Variants in ZNF804B observed in about 807,000 individuals in gnomAD.
The protein encoded by ZNF804B is zinc finger protein 804B, also known as zinc finger 804B.
ZNF804B carries 80 observed loss-of-function variants against 101.4 expected under a neutral mutation model. The ratio of observed to expected loss-of-function variants is 0.79; its 90% CI spans 0.66 to 0.95. The LOEUF (loss-of-function observed/expected upper bound fraction) is 0.95. ZNF804B is among the 40% of genes least tolerant of loss of function. The pLI, the probability that ZNF804B is intolerant of heterozygous loss-of-function variation, is 0.00. For missense variants in ZNF804B, 1,673 were observed against 1,561.9 expected, an observed-to-expected ratio of 1.07 and a Z score of -1.20; for synonymous variants, 622 against 558.8, an observed-to-expected ratio of 1.11 and a Z score of -1.59.
intron 1 of ZNF804B, among the ~76,000 whole-genome samples, chr7:88,964,048 G>A (rs1793423924): frequency 2.0e-5 from 3 of 151,508 alleles, no homozygotes; most frequent in Admixed American, 1.3e-4. Context: ...TGGCAAGGAT[G>A]TGGAGAAATT....
chr7:89,305,145 A>G (rs948924266), intron 2 of ZNF804B, among the ~76,000 whole-genome samples: 1 of 152,010 alleles, frequency 6.6e-6, no homozygotes, highest in Non-Finnish European at 1.5e-5. Context: ...ATTAATACTA[A>G]TAGAGAACTT....
At chr7:88,832,975 T>C (rs1791155422) in intron 1 of ZNF804B, among the ~76,000 whole-genome samples, 1 of 151,984 alleles carries the variant, frequency 6.6e-6, no homozygotes, top group Admixed American at 6.6e-5. Context: ...GATTTGAAAA[T>C]ACATCAGTGT....
intron 1 of ZNF804B, among the ~76,000 whole-genome samples, chr7:89,072,356 T>C (rs1191536232): frequency 1.3e-5 from 2 of 152,162 alleles, no homozygotes; most frequent in Non-Finnish European, 2.9e-5. Flanking sequence ...ATGCCTTATT[T>C]TCCTCTTTTG....
intron 2 of ZNF804B, among the ~76,000 whole-genome samples, chr7:89,294,013 T>C (rs1005781725): frequency 6.6e-6 from 1 of 152,236 alleles, no homozygotes; most frequent in Non-Finnish European, 1.5e-5. Context: ...ATGGCAACTC[T>C]GTCATCATTT....
At chr7:89,169,352 T>C (rs985396993) in intron 1 of ZNF804B, among the ~76,000 whole-genome samples, 1 of 152,178 alleles carries the variant, frequency 6.6e-6, no homozygotes, top group Non-Finnish European at 1.5e-5. Context: ...TCCCAATCAT[T>C]GTCCCTCCAC....
At chr7:89,277,987 T>C (rs1480563325) in intron 2 of ZNF804B, among the ~76,000 whole-genome samples, 2 of 152,142 alleles carry the variant, frequency 1.3e-5, no homozygotes, top group Non-Finnish European at 2.9e-5. Flanking sequence ...GTGTTCTTAT[T>C]TCTCCACATC....
chr7:89,337,877 C>A lies in ZNF804B; in HGVS notation c.*845C>A, dbSNP rs566736874. ...TAAAATATTGTTTATTATTCTTCTACTCAAAAATTTTACTACGTTCAGCCA... is the reference window on the plus strand; with the variant it reads ...TAAAATATTGTTTATTATTCTTCTAATCAAAAATTTTACTACGTTCAGCCA... On this transcript the variant is annotated 3_prime_UTR_variant, in exon 4 of 4. Transcript: ENST00000333190. 4.2e-4 allele frequency among the ~76,000 whole-genome samples: 64 copies of A among 152,092 alleles called. No homozygotes were observed. The highest frequency in any genetic ancestry group is 3.4e-3 in the Middle Eastern group (1 of 292).
At chr7:89,217,336 A>T (rs569748812) in intron 1 of ZNF804B, among the ~76,000 whole-genome samples, 14 of 152,140 alleles carry the variant, frequency 9.2e-5, no homozygotes, top group Non-Finnish European at 1.9e-4. Flanking sequence ...TTGAATTCAA[A>T]TTCCTTCTCC....
At chr7:89,299,750 G>A (rs1043713963) in intron 2 of ZNF804B, among the ~76,000 whole-genome samples, 3 of 151,880 alleles carry the variant, frequency 2.0e-5, no homozygotes, top group African/African-American at 4.8e-5. Flanking sequence ...AGAGACTGAG[G>A]GTTAACTGCT....
intron 1 of ZNF804B, among the ~76,000 whole-genome samples, chr7:89,104,532 A>G (rs918351043): frequency 6.6e-5 from 10 of 151,890 alleles, no homozygotes; most frequent in African/African-American, 1.5e-4. Context: ...GTGAATAGAG[A>G]TGTTCATAGT....
intron 1 of ZNF804B, among the ~76,000 whole-genome samples, chr7:88,827,160 A>G (rs1053666743): frequency 2.6e-5 from 4 of 152,086 alleles, no homozygotes; most frequent in Non-Finnish European, 5.9e-5. Flanking sequence ...TATTTTAATT[A>G]TAGAACTTTT....
At chr7:89,230,803 G>A (rs549433243) in intron 2 of ZNF804B, among the ~76,000 whole-genome samples, 1 of 152,108 alleles carries the variant, frequency 6.6e-6, no homozygotes, top group African/African-American at 2.4e-5. Context: ...GTGTGTAGTG[G>A]TATCTCACTG....
intron 1 of ZNF804B, among the ~76,000 whole-genome samples, chr7:88,872,447 CT>C (rs543557055): frequency 2.2e-4 from 34 of 151,804 alleles, no homozygotes; most frequent in Non-Finnish European, 4.1e-4. Flanking sequence ...CATGATATTT[CT>C]TTTTTTTCTT....
At chr7:88,828,528 C>A (rs180851810) in intron 1 of ZNF804B, among the ~76,000 whole-genome samples, 1 of 152,082 alleles carries the variant, frequency 6.6e-6, no homozygotes, top group African/African-American at 2.4e-5. Context: ...TCTTATCCAT[C>A]CATTTTCAAT....
chr7:88,763,776 TAGA>T (rs1789936699), intron 1 of ZNF804B, among the ~76,000 whole-genome samples: 1 of 152,102 alleles, frequency 6.6e-6, no homozygotes, highest in South Asian at 2.1e-4. Flanking sequence ...GATAGATAGA[TAGA>T]TAGATACACA....
At position 89,058,195 on chromosome 7, in the gene ZNF804B, G is replaced by T. The variant is rs1243094362; in HGVS notation, c.109-159960G>T. On this transcript the variant is annotated intron_variant, in intron 1 of 3. Coordinates refer to ENST00000333190, the MANE Select transcript of ZNF804B (RefSeq NM_181646.5). ...TTAGGAAAGCAACCTTTATGTTAAA[G>T]ATCTGCAAATAAAATAATGTGTTGA... is the stretch of plus-strand genomic sequence containing the variant. Among the ~76,000 whole-genome samples the T allele has an allele frequency of 3.9e-5, 6 of 152,060 alleles. No homozygotes were observed. In the East Asian group the frequency reaches 1.2e-3, roughly 29 times the overall value.
chr7:88,964,598 C>T (rs973872852), intron 1 of ZNF804B, among the ~76,000 whole-genome samples: 2 of 151,394 alleles, frequency 1.3e-5, no homozygotes, highest in African/African-American at 4.8e-5. Flanking sequence ...TGGAGATAAA[C>T]AGTGGTGATG....
At chr7:89,223,619 T>TTATG (rs932992020) in intron 2 of ZNF804B, among the ~76,000 whole-genome samples, 1 of 150,792 alleles carries the variant, frequency 6.6e-6, no homozygotes, top group African/African-American at 2.4e-5. Context: ...ATTTATTTAT[T>TTATG]TATTTATTTA....
At chr7:88,988,898 A>C (rs1014406528) in intron 1 of ZNF804B, among the ~76,000 whole-genome samples, 1 of 152,136 alleles carries the variant, frequency 6.6e-6, no homozygotes, top group Non-Finnish European at 1.5e-5. Flanking sequence ...CCTCCCATTA[A>C]ATCAGTGGGT....
Sources: gnomAD v4.1 joint callset for allele counts (sites outside exome capture counted in the v4.1 genomes callset) on GRCh38, gnomAD v4.1.1 for gene constraint, MANE v1.5 for transcripts, NCBI Gene and HGNC (gene_info 2026-07-23, HGNC 2026-07-21) for gene names.